ERVW-1: variants seen among roughly 807,000 people sequenced by gnomAD.
The protein encoded by ERVW-1 is syncytin-1.
Under a neutral mutation model 16.6 loss-of-function variants are expected in ERVW-1, and 21 were observed. The observed-to-expected ratio is 1.26, with a 90% confidence interval of 0.90 to 1.82. The LOEUF is 1.82. ERVW-1 is among the 40% of genes most tolerant of loss of function. ERVW-1 has a pLI of 0.00. For synonymous variants in ERVW-1, 161 were observed against 109.8 expected, an observed-to-expected ratio of 1.47 and a Z score of -2.92; for missense variants, 412 against 300.2, an observed-to-expected ratio of 1.37 and a Z score of -2.75.
chr7:92,476,474 A>G (rs1423945120), intron 1 of ERVW-1, among the ~76,000 whole-genome samples: 1 of 152,180 alleles, frequency 6.6e-6, no homozygotes, highest in Non-Finnish European at 1.5e-5. Flanking sequence ...AGTGGATTGG[A>G]GTGCTATAGG....
At chr7:92,472,089 A>G (rs187495184) in intron 1 of ERVW-1, 51 of 152,340 alleles carry the variant, frequency 3.3e-4, no homozygotes, top group African/African-American at 1.2e-3. Flanking sequence ...AGGAACCTCT[A>G]AAAGGTCCCC....
chr7:92,468,706 A>G lies in ERVW-1; in HGVS notation c.*59T>C, dbSNP rs541835178. 4 of 666,192 alleles carry G rather than the reference A, an allele frequency of 6.0e-6. No homozygotes were observed. Among genetic ancestry groups the G allele is most frequent in the African/African-American group, 1.8e-5 (1 of 55,966 alleles). 41.3% of individuals were successfully genotyped at this position (666,192 alleles called of 1,614,324 possible). ...GGAAATCCAGCTAGTCCTGTCTCTC[A>G]GTCCCCCATCTCAACAGGAAAACCT... On this transcript the variant is annotated 3_prime_UTR_variant, in exon 2 of 2. Coordinates refer to ENST00000603053, the MANE Select transcript of ERVW-1 (RefSeq NM_001130925.2).
rs752374083 is a variant in ERVW-1 at position 92,470,168 on chromosome 7, A to C, written c.214T>G (p.Cys72Gly). 2 of 778,706 alleles carry C rather than the reference A, an allele frequency of 2.6e-6. No homozygotes were observed. Among genetic ancestry groups the C allele is most frequent in the Non-Finnish European group, 4.8e-6 (2 of 417,938 alleles). 48.2% of individuals were successfully genotyped at this position (778,706 alleles called of 1,614,324 possible). A position where few individuals can be genotyped will look rare whatever the true frequency, so the allele number is the denominator to read the frequency against. ...ATGCAAAGAGTGGCAGAGTGATAGC[A>C]GTTGCGGGGCATATGGGTGTGGGCA... ...FTAHTHMPRN[C>G]YHSATLCMHA... The change falls in exon 2 of 2, where the codon TGC becomes GGC. Residue 72 changes from cysteine (C) to glycine (G), a missense_variant. By Grantham distance (159) the Cys-to-Gly change is radical. Transcript: ENST00000603053.
At chr7:92,473,366 C>A (rs1396582263) in intron 1 of ERVW-1, among the ~76,000 whole-genome samples, 1 of 152,074 alleles carries the variant, frequency 6.6e-6, no homozygotes, top group Non-Finnish European at 1.5e-5. Flanking sequence ...CCTTAACAAT[C>A]TTTTGGAGTC....
chr7:92,474,986 G>A (rs1003898925), intron 1 of ERVW-1: 1 of 152,076 alleles, frequency 6.6e-6, no homozygotes, highest in East Asian at 1.9e-4. Flanking sequence ...TTATTAGTTG[G>A]GGAAGGAGTC....
rs567169962 is a variant in ERVW-1 at position 92,468,433 on chromosome 7, A to T, written c.*332T>A. On this transcript the variant is annotated 3_prime_UTR_variant, in exon 2 of 2. Transcript: ENST00000603053. ...TAGCATGAAAACAGAGCTCCCATAC[A>T]AAGGGAGGGGACCCAAAGGGGGTTG... 5 of 198,596 alleles carry T rather than the reference A, an allele frequency of 2.5e-5. No individual in the cohort carries two copies. The highest frequency in any genetic ancestry group is 1.4e-4 in the East Asian group (1 of 7,338). 12.3% of individuals were successfully genotyped at this position (198,596 alleles called of 1,614,324 possible).
chr7:92,476,609 C>A (rs1435013177), intron 1 of ERVW-1, among the ~76,000 whole-genome samples: 2 of 151,966 alleles, frequency 1.3e-5, no homozygotes, highest in African/African-American at 4.8e-5. Context: ...CTCTCTCTCT[C>A]CTCTTTGTCT....
chr7:92,472,778 G>A (rs1182565013), intron 1 of ERVW-1: 2 of 152,218 alleles, frequency 1.3e-5, no homozygotes, highest in Non-Finnish European at 2.9e-5. Flanking sequence ...GTTCCTCACT[G>A]AGGGCCCTGG....
intron 1 of ERVW-1, chr7:92,471,929 T>G (rs563741914): frequency 6.6e-6 from 1 of 152,366 alleles, no homozygotes; most frequent in East Asian, 1.9e-4. Flanking sequence ...TGAGGGCTAT[T>G]AGTTCTGCTA....
rs746818342 is a variant in ERVW-1, at chr7:92,476,616, G to GTC, written c.-228+764_-228+765dup. Among the ~76,000 whole-genome samples, 17 of 150,962 alleles carry GTC rather than the reference G, an allele frequency of 1.1e-4. 1 individual carries two copies. The highest frequency in any genetic ancestry group is 2.2e-4 in the Non-Finnish European group (15 of 67,712). On this transcript the variant is annotated intron_variant, in intron 1 of 1. Transcript: ENST00000603053. ...CTTTGACTCTCTCTCTCTCCTCTTT[G>GTC]TCTCTCTCTCTCTTCTGTCTCTCTC... is the stretch of plus-strand genomic sequence containing the variant.
intron 1 of ERVW-1, among the ~76,000 whole-genome samples, chr7:92,476,583 C>T (rs1790552726): frequency 6.6e-6 from 1 of 152,112 alleles, no homozygotes; most frequent in African/African-American, 2.4e-5. Context: ...CTTTCTCTTT[C>T]TTTCTCTCTT....
intron 1 of ERVW-1, among the ~76,000 whole-genome samples, chr7:92,476,600 T>C (rs1011534240): frequency 6.6e-6 from 1 of 152,128 alleles, no homozygotes; most frequent in African/African-American, 2.4e-5. Context: ...TCTTTGACTC[T>C]CTCTCTCTCC....
chr7:92,477,781 C>T lies in ERVW-1; in HGVS notation c.-627G>A, dbSNP rs1375805709. On this transcript the variant is annotated 5_prime_UTR_variant, in exon 1 of 2. Coordinates refer to ENST00000603053, the MANE Select transcript of ERVW-1 (RefSeq NM_001130925.2). ...CAGGATCCAGAGGGATGGGAGTCAG[C>T]GGCAGGTCTGCGGTGGTGGCAAACA... 2 of 181,526 alleles carry T rather than the reference C, an allele frequency of 1.1e-5. No individual in the cohort carries two copies. Among genetic ancestry groups the T allele is most frequent in the Non-Finnish European group, 2.2e-5 (2 of 91,160 alleles). The allele number at this position is 181,526 out of a possible 1,614,324, so 11.2% of individuals were successfully genotyped here.
intron 1 of ERVW-1, among the ~76,000 whole-genome samples, chr7:92,476,056 A>G (rs754669838): frequency 1.3e-5 from 2 of 152,172 alleles, no homozygotes; most frequent in African/African-American, 2.4e-5. Context: ...CCTGGGAGGA[A>G]CCATCTATCG....
At chr7:92,473,847 G>T (rs1387472012) in intron 1 of ERVW-1, among the ~76,000 whole-genome samples, 3 of 152,184 alleles carry the variant, frequency 2.0e-5, no homozygotes, top group Admixed American at 6.5e-5. Flanking sequence ...CTCTGTGAGG[G>T]TGATGGCATG....
chr7:92,469,822 C>T lies in ERVW-1; in HGVS notation c.560G>A (p.Trp187Ter), dbSNP rs1304265030. ...EVSAQNPTNC[W>*]ICLPLNFRPY... ...CCTGAAGTTCAGGGGGAGGCATATCCAACAGTTAGTAGGGTTTTGGGCCGA... is the reference window on the plus strand; with the variant it reads ...CCTGAAGTTCAGGGGGAGGCATATCTAACAGTTAGTAGGGTTTTGGGCCGA... Residue 187 changes from tryptophan (W) to a stop codon, truncating the protein, a stop_gained, in exon 2 of 2, where the codon TGG becomes TAG. Transcript: ENST00000603053. LOFTEE classifies it high-confidence loss of function. 9 of 769,954 alleles carry T rather than the reference C, an allele frequency of 1.2e-5. No individual in the cohort carries two copies. The highest frequency in any genetic ancestry group is 2.2e-5 in the Non-Finnish European group (9 of 417,660). The allele number at this position is 769,954 out of a possible 1,614,324, so 47.7% of individuals were successfully genotyped here. A position where few individuals can be genotyped will look rare whatever the true frequency, so the allele number is the denominator to read the frequency against.
chr7:92,470,304 G>T lies in ERVW-1; in HGVS notation c.78C>A (p.Arg26=), dbSNP rs768291057. ...SFTLTAPPPC[R]CMTSSSPYQE... ...GGTAAGGGGAGCTACTGGTCATACA[G>T]CGGCATGGAGGGGGTGCAGTGAGAG... The change falls in exon 2 of 2, where the codon CGC becomes CGA. Residue 26 remains arginine (R), a synonymous_variant. Transcript: ENST00000603053. The T allele has an allele frequency of 2.6e-6, 2 of 777,452 alleles. No individual in the cohort carries two copies. Among genetic ancestry groups the T allele is most frequent in the East Asian group, 4.8e-5 (2 of 41,238 alleles). 48.2% of individuals were successfully genotyped at this position (777,452 alleles called of 1,614,324 possible).
At position 92,469,013 on chromosome 7, in the gene ERVW-1, C is replaced by G. The variant is rs1477395812; in HGVS notation, c.1369G>C (p.Ala457Pro). Residue 457 changes from alanine to proline, a missense_variant, in exon 2 of 2, where the codon GCT (alanine) becomes CCT (proline). By Grantham distance (27) the Ala-to-Pro change is conservative. Coordinates refer to ENST00000603053, the MANE Select transcript of ERVW-1 (RefSeq NM_001130925.2). ...CCAAAGAGGAGTAGCAATATTATAGCTGCTAGAGGTCCTAAGAAGGGGAGA... is the reference window on the plus strand; with the variant it reads ...CCAAAGAGGAGTAGCAATATTATAGGTGCTAGAGGTCCTAAGAAGGGGAGA... ...WILPFLGPLA[A>P]IILLLLFGPC... is the part of the protein sequence containing the mutation. 2.7e-6 allele frequency: 2 copies of G among 737,770 alleles called. No homozygotes were observed. Among genetic ancestry groups the G allele is most frequent in the Non-Finnish European group, 4.9e-6 (2 of 404,828 alleles). The allele number at this position is 737,770 out of a possible 1,614,324, so 45.7% of individuals were successfully genotyped here.
chr7:92,469,534 G>A lies in ERVW-1; in HGVS notation c.848C>T (p.Ser283Phe). 1 of 767,218 alleles carries A rather than the reference G, an allele frequency of 1.3e-6. No homozygotes were observed. Among genetic ancestry groups the A allele is most frequent in the Non-Finnish European group, 2.4e-6 (1 of 417,370 alleles). The allele number at this position is 767,218 out of a possible 1,614,324, so 47.5% of individuals were successfully genotyped here. The change falls in exon 2 of 2, where the codon TCT (serine) becomes TTT (phenylalanine). Residue 283 changes from serine (S) to phenylalanine (F), a missense_variant. Ser to Phe is a radical substitution (Grantham distance 155, BLOSUM62 -2). Coordinates refer to ENST00000603053, the MANE Select transcript of ERVW-1 (RefSeq NM_001130925.2). ...TGAGAGGAAGCACATAGATTCTGAA[G>A]AGCCATTCAAACAACGATAGGCTGA... The part of the protein sequence containing the change: ...GTSAYRCLNG[S>F]SESMCFLSFL...
Sources: allele counts gnomAD v4.1 joint callset (sites outside exome capture counted in the v4.1 genomes callset), GRCh38; gene constraint gnomAD v4.1.1; transcripts MANE v1.5; gene names NCBI Gene and HGNC (gene_info 2026-07-23, HGNC 2026-07-21).